PTPRD: variants seen among roughly 807,000 people sequenced by gnomAD.
The protein encoded by PTPRD is protein tyrosine phosphatase receptor type D.
Under a neutral mutation model 214.5 loss-of-function variants are expected in PTPRD, and 34 were observed. That is an observed-to-expected ratio of 0.16 (90% CI 0.12 to 0.21). The LOEUF (loss-of-function observed/expected upper bound fraction) is 0.21. PTPRD is among the 10% of genes least tolerant of loss of function. PTPRD has a pLI of 1.00. For missense variants in PTPRD, 2,545 were observed against 2,398.7 expected, an observed-to-expected ratio of 1.06 and a Z score of -1.27; for synonymous variants, 1,128 against 845.7, an observed-to-expected ratio of 1.33 and a Z score of -5.79.
At chr9:8,921,845 G>A (rs960089629) in intron 11 of PTPRD, among the ~76,000 whole-genome samples, 12 of 152,132 alleles carry the variant, frequency 7.9e-5, no homozygotes, top group African/African-American at 2.7e-4. Context: ...GGGAGCCATT[G>A]CAATTAATAT....
intron 12 of PTPRD, among the ~76,000 whole-genome samples, chr9:8,730,291 A>T (rs779989068): frequency 5.9e-5 from 9 of 152,174 alleles, no homozygotes; most frequent in Non-Finnish European, 1.2e-4. Flanking sequence ...TATTGCGAGT[A>T]TATAGTGACT....
At chr9:8,910,458 T>C (rs368743802) in intron 11 of PTPRD, among the ~76,000 whole-genome samples, 25 of 152,126 alleles carry the variant, frequency 1.6e-4, no homozygotes, top group African/African-American at 6.0e-4. Context: ...ATTGGGTTAA[T>C]GGATTTATGA....
Position 10,370,056 on chromosome 9 carries a change from G to C in PTPRD, c.-599-29039C>G, listed in dbSNP as rs1409721102. On this transcript the variant is annotated intron_variant, in intron 2 of 45. Transcript: ENST00000381196. ...TTCTACAGATGTTGAAACTGGGACA[G>C]AGAAAGATCCAGTACATTGAATGAG... is the stretch of plus-strand genomic sequence containing the variant. Among the ~76,000 whole-genome samples the C allele has an allele frequency of 2.0e-5, 3 of 152,036 alleles. No homozygotes were observed. In the South Asian group the frequency reaches 6.2e-4, roughly 32 times the overall value.
At chr9:10,282,551 A>G (rs1419378008) in intron 3 of PTPRD, among the ~76,000 whole-genome samples, 1 of 152,164 alleles carries the variant, frequency 6.6e-6, no homozygotes, top group Non-Finnish European at 1.5e-5. Context: ...AAATGATATT[A>G]AGATTATGTA....
rs78228127 is a variant in PTPRD at position 8,785,243 on chromosome 9, A to G, written c.-103-51297T>C. 1.5e-3 allele frequency among the ~76,000 whole-genome samples: 226 copies of G among 152,268 alleles called. 1 individual carries two copies. Among genetic ancestry groups the G allele is most frequent in the African/African-American group, 5.2e-3 (215 of 41,558 alleles). On this transcript the variant is annotated intron_variant, in intron 11 of 45. Transcript: ENST00000381196. ...AGGAGATGATGAAGAATAACAGGGG[A>G]AAAAAACACTAATCAATGAAAGAGA...
chr9:9,707,702 A>G (rs2097650687), intron 7 of PTPRD, among the ~76,000 whole-genome samples: 1 of 152,136 alleles, frequency 6.6e-6, no homozygotes, highest in Admixed American at 6.5e-5. Context: ...AAAATGTATA[A>G]AATACTTAAA....
At chr9:8,694,771 T>TC in intron 12 of PTPRD, among the ~76,000 whole-genome samples, 1 of 152,206 alleles carries the variant, frequency 6.6e-6, no homozygotes, top group South Asian at 2.1e-4. Flanking sequence ...TACTACCTAT[T>TC]TTTTTTTCTA....
At chr9:9,364,919 C>T (rs975333727) in intron 9 of PTPRD, among the ~76,000 whole-genome samples, 3 of 151,372 alleles carry the variant, frequency 2.0e-5, no homozygotes, top group Admixed American at 6.6e-5. Context: ...CTAATGGTGG[C>T]TTAGACTGGA....
At chr9:8,765,940 C>T (rs1019473975) in intron 11 of PTPRD, among the ~76,000 whole-genome samples, 1 of 151,998 alleles carries the variant, frequency 6.6e-6, no homozygotes, top group Non-Finnish European at 1.5e-5. Flanking sequence ...TTCTAAGACT[C>T]CTCTGGTCAA....
intron 9 of PTPRD, among the ~76,000 whole-genome samples, chr9:9,232,982 A>G (rs2099964074): frequency 6.6e-6 from 1 of 152,126 alleles, no homozygotes; most frequent in African/African-American, 2.4e-5. Context: ...GGTGTAAGGA[A>G]ATTCTCTAAC....
chr9:10,577,074 C>G (rs1433018947), intron 2 of PTPRD, among the ~76,000 whole-genome samples: 1 of 150,506 alleles, frequency 6.6e-6, no homozygotes, highest in Non-Finnish European at 1.5e-5. Context: ...GAAAGCCAAT[C>G]CTTTTCCTAT....
intron 8 of PTPRD, among the ~76,000 whole-genome samples, chr9:9,525,338 T>C (rs1223528138): frequency 6.6e-6 from 1 of 152,178 alleles, no homozygotes; most frequent in Non-Finnish European, 1.5e-5. Context: ...CAGACCATTA[T>C]ATTTCAACCA....
chr9:10,594,417 C>T (rs1393747133), intron 2 of PTPRD, among the ~76,000 whole-genome samples: 1 of 151,856 alleles, frequency 6.6e-6, no homozygotes, highest in Non-Finnish European at 1.5e-5. Flanking sequence ...ATGATTAATA[C>T]CAAATCAGTC....
intron 11 of PTPRD, chr9:8,962,131 T>A (rs1213255641): frequency 1.3e-5 from 2 of 152,146 alleles, no homozygotes; most frequent in Admixed American, 6.6e-5. Context: ...TAGCTCTTGT[T>A]ATGTGCTAAC....
chr9:9,338,254 A>C (rs2045379470), intron 9 of PTPRD, among the ~76,000 whole-genome samples: 1 of 152,208 alleles, frequency 6.6e-6, no homozygotes, highest in African/African-American at 2.4e-5. Flanking sequence ...GGTTTAACAG[A>C]ATGTAGGCTT....
intron 5 of PTPRD, among the ~76,000 whole-genome samples, chr9:9,840,130 C>T (rs200510858): frequency 2.6e-5 from 4 of 151,886 alleles, no homozygotes; most frequent in Admixed American, 2.0e-4. Context: ...TTCCACCTCC[C>T]GGGTTCAAGT....
At chr9:10,381,609 C>T (rs1419740439) in intron 2 of PTPRD, among the ~76,000 whole-genome samples, 1 of 151,986 alleles carries the variant, frequency 6.6e-6, no homozygotes, top group Non-Finnish European at 1.5e-5. Flanking sequence ...TATCTGGCTA[C>T]AAAAGCACAC....
In PTPRD at chr9:8,467,497, T is replaced by G. The variant is rs114515670; in HGVS notation, c.3505-1822A>C. Among the ~76,000 whole-genome samples, 557 of 152,008 alleles carry G rather than the reference T, an allele frequency of 3.7e-3. 5 individuals carry two copies. Among genetic ancestry groups the G allele is most frequent in the African/African-American group, 0.013 (532 of 41,510 alleles). Reference sequence around the variant, plus strand: ...AACCCTATAAGGATGGCTAATATTATCCTCATTTTATAAATGAGGAAACTG... The same window carrying G: ...AACCCTATAAGGATGGCTAATATTAGCCTCATTTTATAAATGAGGAAACTG... On this transcript the variant is annotated intron_variant, in intron 31 of 45. Coordinates refer to ENST00000381196, the MANE Select transcript of PTPRD (RefSeq NM_002839.4).
chr9:8,802,766 G>A (rs2096597124), intron 11 of PTPRD, among the ~76,000 whole-genome samples: 1 of 152,188 alleles, frequency 6.6e-6, no homozygotes, highest in Admixed American at 6.5e-5. Context: ...TTAAAATGGA[G>A]ATGGGCTAGG....
Sources: allele counts gnomAD v4.1 joint callset (sites outside exome capture counted in the v4.1 genomes callset), GRCh38; gene constraint gnomAD v4.1.1; transcripts MANE v1.5; gene names NCBI Gene and HGNC (gene_info 2026-07-23, HGNC 2026-07-21).